Variants in ANKRD11 observed in about 807,000 individuals in gnomAD.
ANKRD11 encodes the protein ankyrin repeat domain-containing protein 11.
A neutral mutation model predicts 195.7 loss-of-function variants in ANKRD11; 17 were observed. The observed-to-expected ratio is 0.09, with a 90% CI of 0.06 to 0.13. ANKRD11 has a LOEUF of 0.13. ANKRD11 is among the 10% of genes least tolerant of loss of function. The probability of loss-of-function intolerance (pLI) is 1.00; values close to 1 mark genes in which losing one functional copy is unlikely to be tolerated. For synonymous variants in ANKRD11, 1,953 were observed against 1,528.1 expected, an observed-to-expected ratio of 1.28 and a Z score of -6.49; for missense variants, 3,735 against 3,566.1, an observed-to-expected ratio of 1.05 and a Z score of -1.21.
At chr16:89,363,260 T>G (rs560971898) in intron 2 of ANKRD11, among the ~76,000 whole-genome samples, 4 of 152,324 alleles carry the variant, frequency 2.6e-5, no homozygotes, top group African/African-American at 9.6e-5. Flanking sequence ...CTCTGCCTTC[T>G]GAAGCAGTCT....
intron 2 of ANKRD11, among the ~76,000 whole-genome samples, chr16:89,355,182 G>A (rs1245180406): frequency 2.0e-5 from 3 of 152,128 alleles, no homozygotes; most frequent in Non-Finnish European, 4.4e-5. Flanking sequence ...CATCCCAGGC[G>A]AACCTATGCT....
intron 3 of ANKRD11, among the ~76,000 whole-genome samples, chr16:89,310,946 T>C (rs1428795946): frequency 1.3e-5 from 2 of 152,126 alleles, no homozygotes; most frequent in Admixed American, 6.5e-5. Flanking sequence ...GCAGTGGAGA[T>C]GGCCAGTGTT....
chr16:89,391,045 G>A (rs1054972910), intron 2 of ANKRD11, among the ~76,000 whole-genome samples: 13 of 152,078 alleles, frequency 8.5e-5, no homozygotes, highest in East Asian at 1.9e-4. Flanking sequence ...TGGCTAACAC[G>A]GTGAAACCCC....
At chr16:89,474,298 G>A (rs906677779) in intron 1 of ANKRD11, among the ~76,000 whole-genome samples, 1 of 152,156 alleles carries the variant, frequency 6.6e-6, no homozygotes, top group African/African-American at 2.4e-5. Flanking sequence ...TGTGTTGTGT[G>A]TCAATTTGTT....
At chr16:89,477,456 A>G (rs1182642711) in intron 1 of ANKRD11, among the ~76,000 whole-genome samples, 3 of 151,980 alleles carry the variant, frequency 2.0e-5, no homozygotes, top group Non-Finnish European at 4.4e-5. Flanking sequence ...CCTGGGTTCA[A>G]CCGATTCTCC....
At chr16:89,437,981 A>G (rs775744282) in intron 1 of ANKRD11, among the ~76,000 whole-genome samples, 2 of 152,232 alleles carry the variant, frequency 1.3e-5, no homozygotes, top group Non-Finnish European at 2.9e-5. Context: ...GATACAAAAT[A>G]TAAGATGAAT....
At chr16:89,465,382 T>C (rs1233180922) in intron 1 of ANKRD11, among the ~76,000 whole-genome samples, 1 of 152,132 alleles carries the variant, frequency 6.6e-6, no homozygotes, top group Non-Finnish European at 1.5e-5. Flanking sequence ...TAAAAAAGAA[T>C]CATGAATTAG....
At chr16:89,383,860 C>A (rs2040774874) in intron 2 of ANKRD11, among the ~76,000 whole-genome samples, 1 of 152,236 alleles carries the variant, frequency 6.6e-6, no homozygotes, top group African/African-American at 2.4e-5. Flanking sequence ...CCAAACACCA[C>A]CTCCAAGCTC....
chr16:89,440,066 A>T (rs970793609), intron 1 of ANKRD11, among the ~76,000 whole-genome samples: 2 of 152,224 alleles, frequency 1.3e-5, no homozygotes, highest in African/African-American at 4.8e-5. Flanking sequence ...AGGAGATCAC[A>T]GCCTTTCAGG....
At chr16:89,489,498 C>T (rs907546983) in intron 1 of ANKRD11, among the ~76,000 whole-genome samples, 1 of 150,994 alleles carries the variant, frequency 6.6e-6, no homozygotes, top group Non-Finnish European at 1.5e-5. Context: ...AACCCCGACG[C>T]CCCCAGGTCC....
At chr16:89,396,381 G>A (rs894500946) in intron 2 of ANKRD11, among the ~76,000 whole-genome samples, 14 of 152,122 alleles carry the variant, frequency 9.2e-5, no homozygotes, top group Admixed American at 2.6e-4. Flanking sequence ...AGCCGCACTC[G>A]CCGCAAGAGA....
chr16:89,346,885 AAAC>A (rs2038965759), intron 2 of ANKRD11, among the ~76,000 whole-genome samples: 1 of 152,268 alleles, frequency 6.6e-6, no homozygotes, highest in South Asian at 2.1e-4. Context: ...AACAGAGACT[AAAC>A]AAAGTCAAAG....
intron 2 of ANKRD11, among the ~76,000 whole-genome samples, chr16:89,384,843 A>G (rs1300286027): frequency 2.0e-5 from 3 of 148,194 alleles, no homozygotes; most frequent in Non-Finnish European, 1.5e-5. Context: ...GTGTGTAAGA[A>G]CATGTGTGTG....
At chr16:89,336,921 G>C (rs1597696079) in intron 2 of ANKRD11, among the ~76,000 whole-genome samples, 1 of 146,528 alleles carries the variant, frequency 6.8e-6, no homozygotes. Flanking sequence ...TGTAATCCTA[G>C]CACTTTAGGA....
At chr16:89,462,636 C>A (rs564212912) in intron 1 of ANKRD11, among the ~76,000 whole-genome samples, 2 of 152,060 alleles carry the variant, frequency 1.3e-5, no homozygotes, top group South Asian at 4.2e-4. Flanking sequence ...GCACCTCTTC[C>A]CGGCCGCCAT....
At chr16:89,341,926 G>C (rs1388197545) in intron 2 of ANKRD11, among the ~76,000 whole-genome samples, 1 of 150,924 alleles carries the variant, frequency 6.6e-6, no homozygotes, top group East Asian at 2.0e-4. Context: ...GCCCACGGCG[G>C]GAGTGCTGCA....
chr16:89,397,043 T>C (rs893797749), intron 2 of ANKRD11, among the ~76,000 whole-genome samples: 1 of 152,098 alleles, frequency 6.6e-6, no homozygotes, highest in Admixed American at 6.6e-5. Flanking sequence ...TTTTAAAGAA[T>C]GTGCTGCTTA....
rs550535852 is a variant in ANKRD11 at position 89,414,063 on chromosome 16, A to C, written c.-60+4221T>G. ...TCCGCCACGGGCCTGCACACCCTCC[A>C]GGATGCCACAGGCACAGCTGCTCGG... On this transcript the variant is annotated intron_variant, in intron 2 of 12. Transcript: ENST00000301030. 1.6e-4 allele frequency among the ~76,000 whole-genome samples: 25 copies of C among 152,254 alleles called. No individual in the cohort carries two copies. The East Asian group carries it at 4.8e-3, about 29-fold the overall frequency.
intron 4 of ANKRD11, among the ~76,000 whole-genome samples, chr16:89,294,923 A>C (rs2035317513): frequency 6.6e-6 from 1 of 152,222 alleles, no homozygotes; most frequent in African/African-American, 2.4e-5. Context: ...GCAGGTAAGA[A>C]AAGGGTGAGA....
Sources: allele counts gnomAD v4.1 joint callset (sites outside exome capture counted in the v4.1 genomes callset), GRCh38; gene constraint gnomAD v4.1.1; transcripts MANE v1.5; gene names NCBI Gene and HGNC (gene_info 2026-07-23, HGNC 2026-07-21).